TBX1: variants seen among roughly 807,000 people sequenced by gnomAD.
TBX1 encodes the protein T-box transcription factor 1.
A neutral mutation model predicts 40.8 loss-of-function variants in TBX1; 16 were observed. That is an observed-to-expected ratio of 0.39 (90% CI 0.27 to 0.60). The LOEUF (loss-of-function observed/expected upper bound fraction) is 0.60. Among genes scored for constraint, TBX1 ranks in the 20% least tolerant of loss-of-function variants. The pLI, the probability that TBX1 is intolerant of heterozygous loss-of-function variation, is 0.51. For synonymous variants in TBX1, 403 were observed against 336.8 expected, an observed-to-expected ratio of 1.20 and a Z score of -2.15; for missense variants, 755 against 728.5, an observed-to-expected ratio of 1.04 and a Z score of -0.42.
At chr22:19,767,542 C>T (rs1483147276), downstream of TBX1, among the ~76,000 whole-genome samples, 1 of 152,186 alleles carries the variant, frequency 6.6e-6, no homozygotes, top group African/African-American at 2.4e-5. Context: ...CTCCCCTCTC[C>T]GAGGCCCCTC....
At chr22:19,764,920 C>T (rs1268238859) in intron 3 of TBX1, 38 bp from the exon 4 acceptor site, 1 of 1,612,948 alleles carries the variant, frequency 6.2e-7, no homozygotes. Context: ...CTCAGCCCAG[C>T]CCCACCGCTG....
intron 8 of TBX1, among the ~76,000 whole-genome samples, chr22:19,777,259 G>A (rs1937080284): frequency 6.7e-6 from 1 of 149,762 alleles, no homozygotes; most frequent in Non-Finnish European, 1.5e-5. Context: ...CCCTTCCTGT[G>A]TCCGTGTGTT....
At chr22:19,759,256 G>A (rs186890519), upstream of TBX1, among the ~76,000 whole-genome samples, 138 of 152,354 alleles carry the variant, frequency 9.1e-4, no homozygotes, top group Middle Eastern at 0.01. Flanking sequence ...AGGGGGCAGG[G>A]AGCTTGGAAA....
chr22:19,763,479 G>A (rs952290453), intron 2 of TBX1, 137 bp downstream of exon 2: 69 of 739,964 alleles, frequency 9.3e-5, no homozygotes, highest in Non-Finnish European at 1.4e-4. Flanking sequence ...CGATCAACCC[G>A]CTCCCTCCTC....
downstream of TBX1, among the ~76,000 whole-genome samples, chr22:19,767,664 C>T (rs575701199): frequency 3.3e-5 from 5 of 149,262 alleles, no homozygotes; most frequent in Non-Finnish European, 7.6e-5. Context: ...TTAAATTCCT[C>T]CCACCTGCAG....
chr22:19,769,780 C>T (rs1212501279), downstream of TBX1, among the ~76,000 whole-genome samples: 2 of 152,208 alleles, frequency 1.3e-5, no homozygotes, highest in Admixed American at 6.5e-5. Context: ...AGGTCACGAG[C>T]GTGGAGTCCT....
At chr22:19,759,439 G>A, upstream of TBX1, 2 of 1,374,924 alleles carry the variant, frequency 1.5e-6, no homozygotes, top group Non-Finnish European at 1.9e-6. Flanking sequence ...GGCTGGGCGC[G>A]GTGCGGCTGG....
Position 19,766,504 on chromosome 22 carries a change from G to A in TBX1, c.1152G>A (p.Gly384=). 15 of 1,307,402 alleles carry A rather than the reference G, an allele frequency of 1.1e-5. No individual in the cohort carries two copies. Among genetic ancestry groups the A allele is most frequent in the Non-Finnish European group, 1.4e-5 (14 of 1,030,302 alleles). The allele number at this position is 1,307,402 out of a possible 1,614,324, so 81.0% of individuals were successfully genotyped here. A position where few individuals can be genotyped will look rare whatever the true frequency, so the allele number is the denominator to read the frequency against. ...LARVLSPSLP[G]AGGAGGLVPL... Reference sequence around the variant, plus strand: ...GGGTGCTAAGCCCCTCGCTGCCCGGGGCCGGCGGCGCCGGCGGCTTAGTCC... The same window carrying A: ...GGGTGCTAAGCCCCTCGCTGCCCGGAGCCGGCGGCGCCGGCGGCTTAGTCC... Residue 384 remains glycine, a synonymous_variant, in exon 7 of 7, where the codon GGG becomes GGA. Transcript: ENST00000649276.
chr22:19,782,895 C>G (rs1228734085), downstream of TBX1: 51 of 1,613,958 alleles, frequency 3.2e-5, no homozygotes, highest in Non-Finnish European at 4.1e-5. Context: ...GATCTGTTTC[C>G]CCTCTCCTGG....
upstream of TBX1, among the ~76,000 whole-genome samples, chr22:19,760,239 T>C (rs1346304387): frequency 2.5e-5 from 3 of 120,216 alleles, no homozygotes; most frequent in Non-Finnish European, 5.4e-5. Flanking sequence ...AAGAAAAACA[T>C]AAAAAACAAA....
intron 6 of TBX1, 69 bp downstream of exon 6, chr22:19,766,071 C>G: frequency 1.5e-6 from 2 of 1,301,834 alleles, no homozygotes; most frequent in Non-Finnish European, 2.0e-6. Context: ...GCGGCCTCGC[C>G]CGACCTCGCC....
chr22:19,761,001 C>G lies in TBX1; in HGVS notation c.158C>G (p.Pro53Arg). 1 of 826,688 alleles carries G rather than the reference C, an allele frequency of 1.2e-6. No homozygotes were observed. Among genetic ancestry groups the G allele is most frequent in the Non-Finnish European group, 1.5e-6 (1 of 688,184 alleles). 51.2% of individuals were successfully genotyped at this position (826,688 alleles called of 1,614,324 possible). A position where few individuals can be genotyped will look rare whatever the true frequency, so the allele number is the denominator to read the frequency against. ...GADPYGPREP[P>R]PPPPRYDPCA... is the part of the protein sequence containing the mutation. Reference sequence around the variant, plus strand: ...GACCCGTACGGCCCGCGCGAGCCCCCGCCGCCGCCGCCGCGCTACGACCCG... The same window carrying G: ...GACCCGTACGGCCCGCGCGAGCCCCGGCCGCCGCCGCCGCGCTACGACCCG... The change falls in exon 1 of 7, where the codon CCG becomes CGG. Residue 53 changes from proline to arginine, a missense_variant. Around this residue, in one of 3 missense-constraint regions of TBX1, gnomAD observed 199 missense variants for 173.0 expected, o/e 1.15. Coordinates refer to ENST00000649276, the MANE Select transcript of TBX1 (RefSeq NM_001379200.1).
chr22:19,779,015 G>T (rs1271265612), intron 8 of TBX1, among the ~76,000 whole-genome samples: 1 of 152,232 alleles, frequency 6.6e-6, no homozygotes, highest in East Asian at 1.9e-4. Context: ...GCCTGTGCTG[G>T]GCTGAGGTGG....
downstream of TBX1, chr22:19,783,158 C>T (rs1601311657): frequency 2.9e-6 from 2 of 697,364 alleles, no homozygotes; most frequent in East Asian, 5.4e-5. Flanking sequence ...ACAAACTGCT[C>T]AGCCCAGCCT....
chr22:19,764,361 C>CA, intron 3 of TBX1, 35 bp downstream of exon 3: 1 of 1,603,402 alleles, frequency 6.2e-7, no homozygotes, highest in Non-Finnish European at 8.5e-7. Context: ...CGGTGTCCCC[C>CA]AAGGCCTCGA....
At chr22:19,770,778 A>G (rs187023671), downstream of TBX1, among the ~76,000 whole-genome samples, 316 of 152,300 alleles carry the variant, frequency 2.1e-3, no homozygotes, top group African/African-American at 6.8e-3. Context: ...CCACGTAGCC[A>G]CAGTTGCCAA....
intron 1 of TBX1, among the ~76,000 whole-genome samples, chr22:19,762,960 G>A (rs1936715464): frequency 6.6e-6 from 1 of 152,210 alleles, no homozygotes; most frequent in African/African-American, 2.4e-5. Flanking sequence ...AGTTTATGTA[G>A]GCCAAGGTTG....
upstream of TBX1, chr22:19,759,740 G>T (rs1481146603): frequency 1.3e-6 from 2 of 1,584,232 alleles, no homozygotes; most frequent in East Asian, 2.3e-5. Flanking sequence ...AGCTGCTGTG[G>T]GGCCCGGGTG....
At position 19,766,871 on chromosome 22, in the gene TBX1, G is replaced by A. The variant is rs770080000; in HGVS notation, c.*4G>A. Reference sequence around the variant, plus strand: ...CTACGACTATTGCCCCAGATAACACGGGCCCTGTCGCGCTCCCGCCCCGGT... The same window carrying A: ...CTACGACTATTGCCCCAGATAACACAGGCCCTGTCGCGCTCCCGCCCCGGT... On this transcript the variant is annotated 3_prime_UTR_variant, in exon 7 of 7. Transcript: ENST00000649276. 3 of 1,579,862 alleles carry A rather than the reference G, an allele frequency of 1.9e-6. No individual in the cohort carries two copies. Among genetic ancestry groups the A allele is most frequent in the East Asian group, 2.3e-5 (1 of 43,074 alleles).
Sources: gnomAD v4.1 joint callset for allele counts (sites outside exome capture counted in the v4.1 genomes callset) on GRCh38, gnomAD v4.1.1 for gene constraint, gnomAD v4.1.1 regional missense constraint, MANE v1.5 for transcripts, NCBI Gene and HGNC (gene_info 2026-07-23, HGNC 2026-07-21) for gene names.